Variants in SUPT3H observed in about 807,000 individuals in gnomAD.
SUPT3H encodes the protein transcription initiation protein SPT3 homolog.
In SUPT3H, 44 loss-of-function variants were observed where a neutral mutation model predicts 44.3. The ratio of observed to expected loss-of-function variants is 0.99; its 90% CI spans 0.78 to 1.28. The LOEUF is 1.28. Ranked by LOEUF, SUPT3H falls within the 50% of genes most tolerant of loss-of-function variation. The pLI is 0.00. For synonymous variants in SUPT3H, 124 were observed against 125.6 expected (o/e 0.99, Z 0.09); for missense variants, 380 against 387.1 (o/e 0.98, Z 0.15).
At chr6:45,204,573 C>T (rs958344099) in intron 2 of SUPT3H, among the ~76,000 whole-genome samples, 2 of 152,194 alleles carry the variant, frequency 1.3e-5, no homozygotes, top group Non-Finnish European at 2.9e-5. Context: ...ACCTCTGCAT[C>T]AAACAGATCT....
intron 3 of SUPT3H, among the ~76,000 whole-genome samples, chr6:45,079,690 C>T (rs1424567126): frequency 6.6e-6 from 1 of 152,128 alleles, no homozygotes; most frequent in African/African-American, 2.4e-5. Context: ...CAAGAACATA[C>T]ATTGGGCAAA....
chr6:45,343,343 G>T (rs1360643701), intron 2 of SUPT3H, among the ~76,000 whole-genome samples: 1 of 151,996 alleles, frequency 6.6e-6, no homozygotes, highest in East Asian at 1.9e-4. Flanking sequence ...TCTACTAAAG[G>T]TCCCTAAAGT....
intron 2 of SUPT3H, among the ~76,000 whole-genome samples, chr6:45,180,859 T>G (rs1377684988): frequency 1.3e-5 from 2 of 151,118 alleles, no homozygotes; most frequent in Non-Finnish European, 3.0e-5. Flanking sequence ...AAAGCCAAAA[T>G]TGACAAATGG....
intron 6 of SUPT3H, among the ~76,000 whole-genome samples, chr6:44,983,313 T>C (rs1779356510): frequency 6.6e-6 from 1 of 152,126 alleles, no homozygotes; most frequent in South Asian, 2.1e-4. Context: ...GGTTTTCTGA[T>C]AATAAGGAGA....
intron 2 of SUPT3H, among the ~76,000 whole-genome samples, chr6:45,176,669 G>A (rs1282532055): frequency 1.3e-5 from 2 of 152,210 alleles, no homozygotes; most frequent in Non-Finnish European, 2.9e-5. Flanking sequence ...AGACTTAAAT[G>A]TCCCTGTCTG....
chr6:45,323,450 C>T (rs1003585514), intron 2 of SUPT3H, among the ~76,000 whole-genome samples: 2 of 151,934 alleles, frequency 1.3e-5, no homozygotes, highest in Non-Finnish European at 2.9e-5. Flanking sequence ...AATAACCTCC[C>T]TACAGTAAAG....
chr6:45,288,561 A>G (rs1352498576), intron 2 of SUPT3H, among the ~76,000 whole-genome samples: 4,480 of 23,918 alleles, frequency 0.19, 317 homozygotes, highest in South Asian at 0.32. Context: ...ATATATATAT[A>G]TATGTATATA....
chr6:44,907,180 C>G (rs532737328), intron 10 of SUPT3H, among the ~76,000 whole-genome samples: 41 of 152,260 alleles, frequency 2.7e-4, no homozygotes, highest in Middle Eastern at 3.4e-3. Flanking sequence ...AGAGATTAGA[C>G]AGTGGTATTT....
intron 3 of SUPT3H, among the ~76,000 whole-genome samples, chr6:45,074,726 T>C (rs774802659): frequency 4.6e-5 from 7 of 151,990 alleles, no homozygotes; most frequent in Non-Finnish European, 8.8e-5. Context: ...TATTCCTTGC[T>C]TTTGGGGTGC....
intron 2 of SUPT3H, among the ~76,000 whole-genome samples, chr6:45,136,991 T>C (rs1031415589): frequency 7.2e-5 from 11 of 152,238 alleles, no homozygotes; most frequent in Non-Finnish European, 1.0e-4. Flanking sequence ...AGAGAGATTA[T>C]TGACAGAAGC....
At chr6:44,932,784 A>G (rs906590293) in intron 9 of SUPT3H, 21 bp from the exon 10 acceptor site, 1 of 1,511,856 alleles carries the variant, frequency 6.6e-7, no homozygotes, top group Non-Finnish European at 9.0e-7. Flanking sequence ...AAAACACATA[A>G]ATTGTTACTA....
intron 9 of SUPT3H, among the ~76,000 whole-genome samples, chr6:44,942,442 G>A (rs1184018176): frequency 6.6e-6 from 1 of 152,228 alleles, no homozygotes; most frequent in Non-Finnish European, 1.5e-5. Flanking sequence ...CATCCAGTGG[G>A]TAGAGGAGTG....
At chr6:45,333,669 C>T (rs547813376) in intron 2 of SUPT3H, among the ~76,000 whole-genome samples, 1 of 151,192 alleles carries the variant, frequency 6.6e-6, no homozygotes, top group South Asian at 2.1e-4. Flanking sequence ...ATCATTTAAC[C>T]TGATATAAAA....
intron 6 of SUPT3H, among the ~76,000 whole-genome samples, chr6:44,988,086 A>G (rs1780067316): frequency 6.6e-6 from 1 of 152,116 alleles, no homozygotes; most frequent in South Asian, 2.1e-4. Flanking sequence ...GAAATGGGCA[A>G]AGAGTGAGAT....
At chr6:45,281,836 C>A (rs1412489581) in intron 2 of SUPT3H, among the ~76,000 whole-genome samples, 3 of 152,100 alleles carry the variant, frequency 2.0e-5, no homozygotes, top group Non-Finnish European at 4.4e-5. Context: ...GGAGGCACCC[C>A]CCAGTAGGGG....
intron 2 of SUPT3H, among the ~76,000 whole-genome samples, chr6:45,350,831 A>T (rs1791855058): frequency 6.6e-6 from 1 of 152,178 alleles, no homozygotes; most frequent in African/African-American, 2.4e-5. Context: ...TTACATTTTC[A>T]GACGGATTTA....
At chr6:45,057,072 AC>A (rs1361413402) in intron 3 of SUPT3H, among the ~76,000 whole-genome samples, 1 of 152,172 alleles carries the variant, frequency 6.6e-6, no homozygotes, top group African/African-American at 2.4e-5. Flanking sequence ...TAAAACAAAT[AC>A]AATTGTCTTT....
intron 2 of SUPT3H, among the ~76,000 whole-genome samples, chr6:45,111,220 A>T (rs1028235272): frequency 6.6e-6 from 1 of 152,022 alleles, no homozygotes; most frequent in Non-Finnish European, 1.5e-5. Flanking sequence ...TTTAGTAGAG[A>T]CAGGGTTTCA....
intron 3 of SUPT3H, among the ~76,000 whole-genome samples, chr6:45,033,623 A>G (rs1325023509): frequency 2.0e-5 from 3 of 152,206 alleles, no homozygotes; most frequent in Non-Finnish European, 2.9e-5. Flanking sequence ...TATGCTAGAA[A>G]TCAGACAACT....
Sources: gnomAD v4.1 joint callset for allele counts (sites outside exome capture counted in the v4.1 genomes callset) on GRCh38, gnomAD v4.1.1 for gene constraint, MANE v1.5 for transcripts, NCBI Gene and HGNC (gene_info 2026-07-23, HGNC 2026-07-21) for gene names.